The following KIAA1328 variants were observed in gnomAD, a reference collection of about 807,000 sequenced individuals.
KIAA1328 encodes the protein KIAA1328.
KIAA1328 carries 52 observed loss-of-function variants against 68.1 expected under a neutral mutation model. That is an observed-to-expected ratio of 0.76 (90% CI 0.61 to 0.96). KIAA1328 has a LOEUF of 0.96. Among genes scored for constraint, KIAA1328 ranks in the 40% least tolerant of loss-of-function variants. KIAA1328 has a pLI of 0.00. For missense variants in KIAA1328, 641 were observed against 677.6 expected (o/e 0.95, Z 0.60); for synonymous variants, 232 against 239.4 (o/e 0.97, Z 0.28).
At chr18:37,064,315 A>T (rs966597683) in intron 6 of KIAA1328, among the ~76,000 whole-genome samples, 1 of 152,146 alleles carries the variant, frequency 6.6e-6, no homozygotes, top group Non-Finnish European at 1.5e-5. Flanking sequence ...TTATCATAGG[A>T]TAAGAAACAT....
chr18:37,085,085 G>A (rs72892516), intron 7 of KIAA1328, among the ~76,000 whole-genome samples: 20,282 of 152,102 alleles, frequency 0.13, 1,740 homozygotes, highest in Non-Finnish European at 0.18. Flanking sequence ...GGGTAAACTC[G>A]GGCTTTGTGG....
At chr18:36,926,395 T>C (rs1269854306) in intron 5 of KIAA1328, among the ~76,000 whole-genome samples, 1 of 146,892 alleles carries the variant, frequency 6.8e-6, no homozygotes, top group African/African-American at 2.5e-5. Context: ...ATTTATTTAT[T>C]TATTTATTTA....
chr18:37,173,121 A>G, intron 9 of KIAA1328, 40 bp downstream of exon 9: 1 of 1,409,616 alleles, frequency 7.1e-7, no homozygotes, highest in Non-Finnish European at 9.8e-7. Flanking sequence ...TATTCTCCCT[A>G]TGAGAGCATT....
At chr18:36,864,224 T>C (rs944921891) in intron 4 of KIAA1328, among the ~76,000 whole-genome samples, 1 of 152,190 alleles carries the variant, frequency 6.6e-6, no homozygotes, top group Non-Finnish European at 1.5e-5. Context: ...CTTTAGCCTA[T>C]TGATATGGTA....
intron 9 of KIAA1328, among the ~76,000 whole-genome samples, chr18:37,190,704 A>T (rs950124793): frequency 6.6e-6 from 1 of 152,158 alleles, no homozygotes; most frequent in Non-Finnish European, 1.5e-5. Flanking sequence ...TACCCCATTT[A>T]TTCATTCTTT....
chr18:37,095,124 TACA>T (rs2057368795), intron 7 of KIAA1328, among the ~76,000 whole-genome samples: 1 of 152,142 alleles, frequency 6.6e-6, no homozygotes, highest in South Asian at 2.1e-4. Context: ...TAGCCCTAAA[TACA>T]ACAATAGTTG....
intron 6 of KIAA1328, among the ~76,000 whole-genome samples, chr18:37,045,226 G>A (rs556416661): frequency 6.6e-6 from 1 of 152,266 alleles, no homozygotes; most frequent in Admixed American, 6.5e-5. Flanking sequence ...GCCTTCTTCA[G>A]TTAACTCCTG....
At chr18:37,108,182 C>CTATG (rs2057827596) in intron 7 of KIAA1328, among the ~76,000 whole-genome samples, 1 of 152,136 alleles carries the variant, frequency 6.6e-6, no homozygotes, top group Non-Finnish European at 1.5e-5. Context: ...CCTGGAAATA[C>CTATG]TATGCATAAA....
intron 5 of KIAA1328, among the ~76,000 whole-genome samples, chr18:36,899,850 A>C (rs1009827995): frequency 7.9e-5 from 12 of 151,964 alleles, no homozygotes; most frequent in African/African-American, 2.7e-4. Flanking sequence ...CTAAATTTTA[A>C]TTTTAAAGAA....
At chr18:36,831,248 T>C (rs1366254043) in intron 1 of KIAA1328, among the ~76,000 whole-genome samples, 1 of 152,240 alleles carries the variant, frequency 6.6e-6, no homozygotes, top group African/African-American at 2.4e-5. Context: ...GAGAGATTTC[T>C]TAGTCCTTGA....
intron 6 of KIAA1328, among the ~76,000 whole-genome samples, chr18:37,055,553 C>T (rs564829412): frequency 5.9e-5 from 9 of 152,330 alleles, no homozygotes; most frequent in African/African-American, 2.2e-4. Flanking sequence ...TGGCAAACCA[C>T]ACAGTGCAGC....
intron 6 of KIAA1328, among the ~76,000 whole-genome samples, chr18:37,007,133 T>C (rs8095910): frequency 0.15 from 23,532 of 152,158 alleles, 1,958 homozygotes; most frequent in African/African-American, 0.2. Context: ...TGGCATGCCA[T>C]TGAATCCTAA....
intron 9 of KIAA1328, among the ~76,000 whole-genome samples, chr18:37,186,991 TG>T (rs2059815055): frequency 6.6e-6 from 1 of 152,114 alleles, no homozygotes; most frequent in South Asian, 2.1e-4. Context: ...CTGGCCAACA[TG>T]GCAAAACCCC....
chr18:36,952,916 T>G (rs2051220477), intron 5 of KIAA1328, among the ~76,000 whole-genome samples: 2 of 151,766 alleles, frequency 1.3e-5, no homozygotes, highest in Non-Finnish European at 2.9e-5. Context: ...ACATGATAAT[T>G]TGTGGTAGAG....
chr18:37,033,908 T>C (rs930787367), intron 6 of KIAA1328, among the ~76,000 whole-genome samples: 3 of 152,198 alleles, frequency 2.0e-5, no homozygotes, highest in East Asian at 1.9e-4. Flanking sequence ...ATCATATACA[T>C]ACAGTGCCTG....
At chr18:36,957,030 C>T (rs1252676222) in intron 5 of KIAA1328, among the ~76,000 whole-genome samples, 1 of 152,166 alleles carries the variant, frequency 6.6e-6, no homozygotes, top group African/African-American at 2.4e-5. Context: ...GTAACCTGTC[C>T]TTTCCCTGTG....
At chr18:36,994,383 G>A (rs2053309231) in intron 6 of KIAA1328, among the ~76,000 whole-genome samples, 1 of 152,124 alleles carries the variant, frequency 6.6e-6, no homozygotes, top group Admixed American at 6.6e-5. Context: ...CTTCTTCAGT[G>A]GAAGGGGAGC....
intron 9 of KIAA1328, among the ~76,000 whole-genome samples, chr18:37,214,267 G>A (rs549127898): frequency 6.6e-6 from 1 of 152,140 alleles, no homozygotes; most frequent in Non-Finnish European, 1.5e-5. Flanking sequence ...TTCTTCTAGG[G>A]TTTTTATGGT....
intron 9 of KIAA1328, among the ~76,000 whole-genome samples, chr18:37,175,770 C>G (rs1286919030): frequency 6.6e-6 from 1 of 152,058 alleles, no homozygotes; most frequent in African/African-American, 2.4e-5. Flanking sequence ...AGAGAAGAGC[C>G]TATTGTTCTT....
Sources: gnomAD v4.1 joint callset for allele counts (sites outside exome capture counted in the v4.1 genomes callset) on GRCh38, gnomAD v4.1.1 for gene constraint, MANE v1.5 for transcripts, NCBI Gene and HGNC (gene_info 2026-07-23, HGNC 2026-07-21) for gene names.